Variants in NTN4 observed in about 807,000 individuals in gnomAD.
The protein encoded by NTN4 is netrin 4.
NTN4 carries 32 observed loss-of-function variants against 73.6 expected under a neutral mutation model. The observed-to-expected ratio is 0.44, with a 90% confidence interval of 0.33 to 0.58. NTN4 has a LOEUF of 0.58. NTN4 is among the 20% of genes least tolerant of loss of function. NTN4 has a pLI of 0.04. For missense variants in NTN4, 654 were observed against 798.3 expected (o/e 0.82, Z 2.18); for synonymous variants, 258 against 287.5 (o/e 0.90, Z 1.04).
chr12:95,761,563 C>T (rs1469380150), intron 2 of NTN4, among the ~76,000 whole-genome samples: 1 of 152,032 alleles, frequency 6.6e-6, no homozygotes, highest in African/African-American at 2.4e-5. Flanking sequence ...GAACTCCTGA[C>T]CTGAAGCGAT....
rs2079192725 is a variant in NTN4, at chr12:95,789,526, C to A, written c.55+729G>T. 6.6e-6 allele frequency among the ~76,000 whole-genome samples: 1 copy of A among 152,168 alleles called. No individual in the cohort carries two copies. The highest frequency in any genetic ancestry group is 1.5e-5 in the Non-Finnish European group (1 of 68,018). Reference sequence around the variant, plus strand: ...GCCAGGAGCCGGTGGCCTAGGGCAGCCCAAGAAAGCCAGGATGGGAGTGGG... The same window carrying A: ...GCCAGGAGCCGGTGGCCTAGGGCAGACCAAGAAAGCCAGGATGGGAGTGGG... On this transcript the variant is annotated intron_variant, in intron 1 of 9. Coordinates refer to ENST00000343702, the MANE Select transcript of NTN4 (RefSeq NM_021229.4). This position sits in a 1 kb window ranked among gnomAD's most constrained non-coding sequence, Gnocchi z 4.0.
rs1229998434 is a variant in NTN4 at position 95,789,402 on chromosome 12, C to T, written c.55+853G>A. On this transcript the variant is annotated intron_variant, in intron 1 of 9. Coordinates refer to ENST00000343702, the MANE Select transcript of NTN4 (RefSeq NM_021229.4). The surrounding 1 kb of genome is among the most constrained non-coding windows in gnomAD (Gnocchi z 4.0). ...CTGCAGACTCCCTCACATCTCTCCC[C>T]CTCACCTACAGGGCTGCGCTTACGC... 2.0e-5 allele frequency among the ~76,000 whole-genome samples: 3 copies of T among 152,212 alleles called. No individual in the cohort carries two copies. In the South Asian group the frequency reaches 6.2e-4, roughly 32 times the overall value.
intron 3 of NTN4, among the ~76,000 whole-genome samples, chr12:95,736,183 C>A (rs1357727221): frequency 3.3e-5 from 5 of 152,104 alleles, no homozygotes; most frequent in African/African-American, 9.7e-5. Context: ...AGGTGATCCA[C>A]CCGCCTTGGC....
chr12:95,695,834 TA>T (rs2078437142), intron 5 of NTN4, among the ~76,000 whole-genome samples: 1 of 152,250 alleles, frequency 6.6e-6, no homozygotes, highest in Non-Finnish European at 1.5e-5. Flanking sequence ...CTACTTTAAT[TA>T]AAACTGAAGA....
chr12:95,701,269 A>G (rs547533167), intron 5 of NTN4, among the ~76,000 whole-genome samples: 4 of 152,256 alleles, frequency 2.6e-5, no homozygotes, highest in Non-Finnish European at 5.9e-5. Flanking sequence ...ACCTCAGTAC[A>G]CAGTGAGAAT....
Position 95,737,873 on chromosome 12 carries a change from A to G in NTN4, c.857T>C (p.Phe286Ser). ...AGGACTTGTTTCACCTACCATGTGGAATGTTCCTGGGGCCTTGACAGGTCT... is the reference window on the plus strand; with the variant it reads ...AGGACTTGTTTCACCTACCATGTGGGATGTTCCTGGGGCCTTGACAGGTCT... ...GFRPVKAPGT[F>S]HMVHGKCMCK... The change falls in exon 3 of 10, where the codon TTC (phenylalanine) becomes TCC (serine). Residue 286 changes from phenylalanine (F) to serine (S), a missense_variant. Transcript: ENST00000343702. 1 of 1,607,792 alleles carries G rather than the reference A, an allele frequency of 6.2e-7. No individual in the cohort carries two copies.
Position 95,790,649 on chromosome 12 carries a change from C to T in NTN4, c.-340G>A. ...GCCCGGGGCTCGGCGCCCGCAGCCG[C>T]CGCTGAACTTTGCGAGACCTTTCAC... On this transcript the variant is annotated 5_prime_UTR_variant, in exon 1 of 10. Coordinates refer to ENST00000343702, the MANE Select transcript of NTN4 (RefSeq NM_021229.4). The surrounding 1 kb of genome is among the most constrained non-coding windows in gnomAD (Gnocchi z 6.5). 1 of 187,950 alleles carries T rather than the reference C, an allele frequency of 5.3e-6. No individual in the cohort carries two copies. The highest frequency in any genetic ancestry group is 1.1e-5 in the Non-Finnish European group (1 of 91,780). 11.6% of individuals were successfully genotyped at this position (187,950 alleles called of 1,614,324 possible). A position where few individuals can be genotyped will look rare whatever the true frequency, so the allele number is the denominator to read the frequency against.
intron 2 of NTN4, among the ~76,000 whole-genome samples, chr12:95,738,643 T>C (rs2078800185): frequency 6.6e-6 from 1 of 152,202 alleles, no homozygotes; most frequent in Non-Finnish European, 1.5e-5. Context: ...TGGGACACTG[T>C]AGGCAGAGAG....
At chr12:95,695,019 T>C (rs2078430230) in intron 5 of NTN4, among the ~76,000 whole-genome samples, 2 of 151,916 alleles carry the variant, frequency 1.3e-5, no homozygotes, top group South Asian at 2.1e-4. Context: ...TCCCAGCTAC[T>C]TGGGAGGATG....
At chr12:95,704,138 G>A (rs1161780746) in intron 5 of NTN4, among the ~76,000 whole-genome samples, 4 of 152,178 alleles carry the variant, frequency 2.6e-5, no homozygotes, top group African/African-American at 9.7e-5. Flanking sequence ...GGTAGGATCA[G>A]AGGTTCTGAA....
chr12:95,771,006 T>TTTTTTTTTTTTTTG (rs2079054546), intron 2 of NTN4, among the ~76,000 whole-genome samples: 1 of 148,362 alleles, frequency 6.7e-6, no homozygotes, highest in African/African-American at 2.6e-5. Flanking sequence ...TTTTTTTTTT[T>TTTTTTTTTTTTTTG]TGAGACAGAG....
intron 4 of NTN4, among the ~76,000 whole-genome samples, chr12:95,712,068 G>T (rs2078568402): frequency 6.6e-6 from 1 of 152,166 alleles, no homozygotes; most frequent in East Asian, 1.9e-4. Flanking sequence ...TATGGGAAGA[G>T]ACTTCTCACA....
chr12:95,775,827 A>G (rs1397925275), intron 2 of NTN4, among the ~76,000 whole-genome samples: 1 of 152,196 alleles, frequency 6.6e-6, no homozygotes, highest in Non-Finnish European at 1.5e-5. Context: ...AGCTTTGAAG[A>G]GAGTAGTGGT....
At position 95,682,126 on chromosome 12, in the gene NTN4, G is replaced by A. The variant is rs535610157; in HGVS notation, c.1510+581C>T. The stretch of plus-strand genomic sequence containing the variant: ...TACCCAGGCTGGAATGCAGTGGCAC[G>A]ATCACAGCTCACTGTAGCCTTGACC... On this transcript the variant is annotated intron_variant, in intron 7 of 9. Transcript: ENST00000343702. Among the ~76,000 whole-genome samples, 4 of 126,788 alleles carry A rather than the reference G, an allele frequency of 3.2e-5. No individual in the cohort carries two copies. In the South Asian group the frequency reaches 8.0e-4, roughly 25 times the overall value. 83.2% of individuals were successfully genotyped at this position (126,788 alleles called of 152,430 possible).
intron 7 of NTN4, chr12:95,673,353 T>C: frequency 4.0e-6 from 1 of 250,270 alleles, no homozygotes; most frequent in Non-Finnish European, 7.9e-6. Flanking sequence ...TGACTTGGGT[T>C]TTTGCGACCG....
At chr12:95,719,763 G>A (rs2078633024) in intron 3 of NTN4, among the ~76,000 whole-genome samples, 1 of 152,154 alleles carries the variant, frequency 6.6e-6, no homozygotes. Flanking sequence ...AGAAGTAGAA[G>A]TTCTATGGTG....
intron 7 of NTN4, chr12:95,673,388 G>A (rs1446854808): frequency 1.2e-5 from 3 of 240,806 alleles, no homozygotes; most frequent in Non-Finnish European, 2.5e-5. Flanking sequence ...AACTTGTGGG[G>A]GAGGAACCAT....
At chr12:95,767,353 G>C (rs1003698517) in intron 2 of NTN4, among the ~76,000 whole-genome samples, 14 of 151,858 alleles carry the variant, frequency 9.2e-5, no homozygotes, top group Admixed American at 3.3e-4. Context: ...AGGTAATAGG[G>C]AAGAGGCACA....
chr12:95,673,257 T>C (rs1401962599), intron 7 of NTN4: 2 of 376,532 alleles, frequency 5.3e-6, no homozygotes, highest in Admixed American at 7.3e-5. Context: ...CCTTCATTCA[T>C]TCTAGTCAGA....
Sources: allele counts gnomAD v4.1 joint callset (sites outside exome capture counted in the v4.1 genomes callset), GRCh38; gene constraint gnomAD v4.1.1; non-coding constraint Gnocchi (gnomAD v3.1); transcripts MANE v1.5; gene names NCBI Gene and HGNC (gene_info 2026-07-23, HGNC 2026-07-21).